PEX7: variants seen among roughly 807,000 people sequenced by gnomAD.
PEX7 encodes PTS2 receptor.
PEX7 carries 34 observed loss-of-function variants against 47.5 expected under a neutral mutation model. The observed-to-expected ratio is 0.72, with a 90% CI of 0.54 to 0.95. The LOEUF (loss-of-function observed/expected upper bound fraction) is 0.95. Among genes scored for constraint, PEX7 ranks in the 40% least tolerant of loss-of-function variants. PEX7 has a pLI of 0.00. For synonymous variants in PEX7, 141 were observed against 148.8 expected (o/e 0.95, Z 0.38); for missense variants, 394 against 400.3 (o/e 0.98, Z 0.13).
intron 3 of PEX7, among the ~76,000 whole-genome samples, chr6:136,832,534 G>GT (rs1774313474): frequency 2.0e-5 from 3 of 152,178 alleles, no homozygotes; most frequent in African/African-American, 7.2e-5. Context: ...CAAGAAATAG[G>GT]TTTTTCTTTT....
At position 136,900,263 on chromosome 6, in the gene PEX7, C is replaced by G. The variant is rs1183673517; in HGVS notation, c.903+2022C>G. The G allele has an allele frequency of 5.8e-6, 1 of 171,406 alleles. No individual in the cohort carries two copies. The highest frequency in any genetic ancestry group is 1.2e-5 in the Non-Finnish European group (1 of 80,598). The allele number at this position is 171,406 out of a possible 1,614,324, so 10.6% of individuals were successfully genotyped here. On this transcript the variant is annotated intron_variant, in intron 9 of 9. Coordinates refer to ENST00000318471, the MANE Select transcript of PEX7 (RefSeq NM_000288.4). This position sits in a 1 kb window ranked among gnomAD's most constrained non-coding sequence, Gnocchi z 4.2. ...TTCAAATTAAGATGGTGATCTCAAC[C>G]AGTATTTTAAACACAAACATTTGAG...
chr6:136,866,919 A>G (rs1037349035), intron 6 of PEX7, among the ~76,000 whole-genome samples, 186 bp downstream of exon 6: 2 of 152,230 alleles, frequency 1.3e-5, no homozygotes, highest in Non-Finnish European at 2.9e-5. Flanking sequence ...TTAAGTGCTC[A>G]TGAAACGGGC....
intron 5 of PEX7, among the ~76,000 whole-genome samples, chr6:136,865,758 A>G (rs931417946): frequency 2.0e-5 from 3 of 151,186 alleles, no homozygotes; most frequent in Admixed American, 6.6e-5. Context: ...AGCCTGGGCA[A>G]TAGAGCAAGA....
At chr6:136,866,413 C>A (rs978253507) in intron 5 of PEX7, among the ~76,000 whole-genome samples, 1 of 152,118 alleles carries the variant, frequency 6.6e-6, no homozygotes, top group Non-Finnish European at 1.5e-5. Flanking sequence ...AAATTTTCCT[C>A]CTAATAGCAT....
chr6:136,891,094 T>C (rs978154307), intron 8 of PEX7, among the ~76,000 whole-genome samples: 1 of 152,214 alleles, frequency 6.6e-6, no homozygotes, highest in Non-Finnish European at 1.5e-5. Context: ...TCTCCTCTTA[T>C]TGAGATGTGG....
At chr6:136,824,423 C>T (rs1774151193) in intron 1 of PEX7, among the ~76,000 whole-genome samples, 1 of 152,016 alleles carries the variant, frequency 6.6e-6, no homozygotes, top group Non-Finnish European at 1.5e-5. Flanking sequence ...CCAGGCTGGT[C>T]CGGAACTGGG....
chr6:136,825,981 A>G (rs1298804809), intron 2 of PEX7, among the ~76,000 whole-genome samples: 1 of 152,148 alleles, frequency 6.6e-6, no homozygotes, highest in African/African-American at 2.4e-5. Flanking sequence ...CTTTCTCTCA[A>G]ATAAAAAACA....
chr6:136,859,025 T>C (rs1220889221), intron 5 of PEX7, among the ~76,000 whole-genome samples: 1 of 152,244 alleles, frequency 6.6e-6, no homozygotes, highest in Non-Finnish European at 1.5e-5. Context: ...TATTTTTATG[T>C]CTAATCCTGT....
At chr6:136,892,085 T>C (rs1775565299) in intron 8 of PEX7, among the ~76,000 whole-genome samples, 1 of 151,780 alleles carries the variant, frequency 6.6e-6, no homozygotes, top group Admixed American at 6.6e-5. Context: ...GACAGCAGAG[T>C]AGACTAGAGG....
intron 5 of PEX7, among the ~76,000 whole-genome samples, chr6:136,847,172 C>T (rs948095666): frequency 1.7e-4 from 25 of 150,198 alleles, no homozygotes; most frequent in African/African-American, 6.1e-4. Context: ...ATCCTTTGCC[C>T]ACTTTTTGAT....
At chr6:136,908,642 A>G (rs72987528) in intron 9 of PEX7, among the ~76,000 whole-genome samples, 3,566 of 152,196 alleles carry the variant, frequency 0.023, 44 homozygotes, top group African/African-American at 0.036. Flanking sequence ...GAGTGTCCAC[A>G]TGCACACTCA....
At position 136,894,598 on chromosome 6, in the gene PEX7, T is replaced by C. The variant is rs539786076; in HGVS notation, c.804-3544T>C. Among the ~76,000 whole-genome samples, 5 of 152,008 alleles carry C rather than the reference T, an allele frequency of 3.3e-5. No individual in the cohort carries two copies. The South Asian group carries it at 8.3e-4, about 25-fold the overall frequency. On this transcript the variant is annotated intron_variant, in intron 8 of 9. Coordinates refer to ENST00000318471, the MANE Select transcript of PEX7 (RefSeq NM_000288.4). ...GAGTGAGACTCCATCTCAAAAAAAATAAAAGTAATAATAAAATGTTTAAAG... is the reference window on the plus strand; with the variant it reads ...GAGTGAGACTCCATCTCAAAAAAAACAAAAGTAATAATAAAATGTTTAAAG...
At chr6:136,843,882 G>T (rs2115167113) in intron 3 of PEX7, among the ~76,000 whole-genome samples, 2 of 152,002 alleles carry the variant, frequency 1.3e-5, no homozygotes, top group South Asian at 4.2e-4. Flanking sequence ...AATGTGTGAG[G>T]CACTCACTCT....
intron 8 of PEX7, among the ~76,000 whole-genome samples, chr6:136,893,722 A>G (rs1004897442): frequency 2.6e-5 from 4 of 152,230 alleles, no homozygotes; most frequent in African/African-American, 7.2e-5. Flanking sequence ...AGAGGAGTAT[A>G]TAGTGAAATT....
intron 8 of PEX7, among the ~76,000 whole-genome samples, chr6:136,877,548 C>T (rs1775297431): frequency 6.6e-6 from 1 of 152,120 alleles, no homozygotes; most frequent in African/African-American, 2.4e-5. Flanking sequence ...CCAGTTTTTC[C>T]AACACCATTT....
chr6:136,880,210 T>G (rs1001362703), intron 8 of PEX7, among the ~76,000 whole-genome samples: 3 of 152,096 alleles, frequency 2.0e-5, no homozygotes, highest in African/African-American at 7.2e-5. Context: ...TTTTTAAAAA[T>G]AAATAAAGAC....
chr6:136,874,048 A>G (rs540733127), intron 8 of PEX7, among the ~76,000 whole-genome samples: 3 of 152,318 alleles, frequency 2.0e-5, no homozygotes, highest in African/African-American at 4.8e-5. Context: ...TTTTGCGTCA[A>G]TATTCAAAGG....
At chr6:136,832,732 C>G (rs575245346) in intron 3 of PEX7, among the ~76,000 whole-genome samples, 52 of 152,332 alleles carry the variant, frequency 3.4e-4, no homozygotes, top group African/African-American at 1.1e-3. Flanking sequence ...AATCATCTCT[C>G]TCAAATTCAA....
chr6:136,880,720 A>G (rs955101576), intron 8 of PEX7, among the ~76,000 whole-genome samples: 10 of 152,098 alleles, frequency 6.6e-5, no homozygotes, highest in African/African-American at 2.4e-4. Flanking sequence ...CTCTCTCCTC[A>G]CTTCTGAGTC....
Sources: gnomAD v4.1 joint callset for allele counts (sites outside exome capture counted in the v4.1 genomes callset) on GRCh38, gnomAD v4.1.1 for gene constraint, Gnocchi (gnomAD v3.1) non-coding constraint, MANE v1.5 for transcripts, NCBI Gene and HGNC (gene_info 2026-07-23, HGNC 2026-07-21) for gene names.